The following DNAH7 variants were observed in gnomAD, a reference collection of about 807,000 sequenced individuals.
DNAH7 encodes axonemal beta dynein heavy chain 7.
Under a neutral mutation model 444.6 loss-of-function variants are expected in DNAH7, and 397 were observed. The ratio of observed to expected loss-of-function variants is 0.89; its 90% CI spans 0.82 to 0.97. The LOEUF (loss-of-function observed/expected upper bound fraction) is 0.97, where lower values mean the gene tolerates loss of function less well. Among genes scored for constraint, DNAH7 ranks in the 50% least tolerant of loss-of-function variants. The pLI is 0.00. For synonymous variants in DNAH7, 1,636 were observed against 1,624.4 expected, an observed-to-expected ratio of 1.01 and a Z score of -0.17; for missense variants, 4,902 against 4,800.8, an observed-to-expected ratio of 1.02 and a Z score of -0.62.
At chr2:195,942,326 T>C (rs1488728916) in intron 19 of DNAH7, among the ~76,000 whole-genome samples, 1 of 150,666 alleles carries the variant, frequency 6.6e-6, no homozygotes, top group South Asian at 2.1e-4. Context: ...TCGGATACAG[T>C]GTGTTTGTTA....
Position 195,903,741 on chromosome 2 carries a change from T to C in DNAH7, c.4335+2918A>G, listed in dbSNP as rs573171296. On this transcript the variant is annotated intron_variant, in intron 27 of 64. Coordinates refer to ENST00000312428, the MANE Select transcript of DNAH7 (RefSeq NM_018897.3). ...ATGTCTACAACCTTGAACCCTCTCGTCTACTTGTAGATTACAAAATACTTG... is the reference window on the plus strand; with the variant it reads ...ATGTCTACAACCTTGAACCCTCTCGCCTACTTGTAGATTACAAAATACTTG... The C allele has an allele frequency of 7.9e-5, 12 of 152,232 alleles. No homozygotes were observed. The South Asian group carries it at 2.5e-3, about 32-fold the overall frequency. 9.4% of individuals were successfully genotyped at this position (152,232 alleles called of 1,614,324 possible). A position where few individuals can be genotyped will look rare whatever the true frequency, so the allele number is the denominator to read the frequency against.
At chr2:195,892,756 A>T (rs2125230797) in intron 30 of DNAH7, 1 of 152,126 alleles carries the variant, frequency 6.6e-6, no homozygotes, top group Middle Eastern at 3.4e-3. Flanking sequence ...CCCCCATTAT[A>T]GTACCATACA....
chr2:196,053,987 C>A (rs931821404), intron 2 of DNAH7, among the ~76,000 whole-genome samples: 4 of 152,160 alleles, frequency 2.6e-5, no homozygotes, highest in African/African-American at 7.2e-5. Context: ...CGCTACCTGA[C>A]CCTCGTCAGA....
At chr2:196,050,197 G>A (rs1056629230) in intron 3 of DNAH7, among the ~76,000 whole-genome samples, 1 of 152,100 alleles carries the variant, frequency 6.6e-6, no homozygotes, top group Admixed American at 6.6e-5. Flanking sequence ...ATAATGCTTT[G>A]GATGAACCCT....
At chr2:195,965,421 A>C (rs1691408144) in intron 17 of DNAH7, among the ~76,000 whole-genome samples, 1 of 152,100 alleles carries the variant, frequency 6.6e-6, no homozygotes, top group Admixed American at 6.6e-5. Flanking sequence ...TATTGGCCTA[A>C]AGTTTTCTTT....
chr2:195,964,876 C>CA (rs556506471), intron 17 of DNAH7, among the ~76,000 whole-genome samples: 31,052 of 126,636 alleles, frequency 0.25, 4,341 homozygotes, highest in African/African-American at 0.42. Flanking sequence ...GACTCCGTCT[C>CA]AAAAAAAAAA....
At chr2:195,880,080 A>C in intron 36 of DNAH7, among the ~76,000 whole-genome samples, 1 of 152,152 alleles carries the variant, frequency 6.6e-6, no homozygotes, top group Non-Finnish European at 1.5e-5. Flanking sequence ...GAAGAGAAAA[A>C]TCACTTTAAA....
chr2:196,055,971 C>T (rs1306594181), intron 2 of DNAH7, among the ~76,000 whole-genome samples: 1 of 152,126 alleles, frequency 6.6e-6, no homozygotes, highest in Non-Finnish European at 1.5e-5. Context: ...CATTGCAGTG[C>T]GGAATATGTA....
chr2:195,960,996 T>A, intron 17 of DNAH7, 51 bp from the exon 18 acceptor site: 1 of 1,362,328 alleles, frequency 7.3e-7, no homozygotes, highest in East Asian at 2.5e-5. Context: ...TGAATGATAC[T>A]GCAAATTAAG....
At chr2:195,992,363 T>A (rs551110504) in intron 12 of DNAH7, among the ~76,000 whole-genome samples, 51 of 152,246 alleles carry the variant, frequency 3.3e-4, no homozygotes, top group African/African-American at 1.2e-3. Context: ...AGGCAGATAG[T>A]CTTCACCTTT....
rs1695390810 is a variant in DNAH7 at position 195,781,765 on chromosome 2, T to C, written c.10879-3780A>G. 2.0e-5 allele frequency among the ~76,000 whole-genome samples: 3 copies of C among 151,564 alleles called. No individual in the cohort carries two copies. In the South Asian group the frequency reaches 6.3e-4, roughly 32 times the overall value. ...AGATCTCTATCTACTTTGAAAGTTA[T>C]CCACAACATATGTAGGTAAAAAAAA... On this transcript the variant is annotated intron_variant, in intron 58 of 64. Transcript: ENST00000312428.
At chr2:195,755,216 T>G (rs776736544) in intron 62 of DNAH7, among the ~76,000 whole-genome samples, 5 of 152,240 alleles carry the variant, frequency 3.3e-5, no homozygotes, top group South Asian at 4.1e-4. Context: ...CCCAATAGAA[T>G]GTTGCTTTGG....
At chr2:195,922,689 C>T (rs1178958161) in intron 23 of DNAH7, among the ~76,000 whole-genome samples, 1 of 152,118 alleles carries the variant, frequency 6.6e-6, no homozygotes, top group Non-Finnish European at 1.5e-5. Context: ...CCACAAAAGC[C>T]TATATGATGA....
intron 5 of DNAH7, among the ~76,000 whole-genome samples, chr2:196,044,277 T>C (rs1696961892): frequency 6.6e-6 from 1 of 150,516 alleles, no homozygotes; most frequent in Non-Finnish European, 1.5e-5. Context: ...AGGAATAAAA[T>C]AACAGCATTT....
chr2:195,952,431 C>A (rs1690326719), intron 19 of DNAH7, among the ~76,000 whole-genome samples: 1 of 152,090 alleles, frequency 6.6e-6, no homozygotes, highest in Admixed American at 6.6e-5. Context: ...CGAGGAGTAT[C>A]TCTGTGGTGT....
intron 1 of DNAH7, among the ~76,000 whole-genome samples, chr2:196,058,658 A>T (rs1287464218): frequency 1.3e-5 from 2 of 152,204 alleles, no homozygotes; most frequent in Non-Finnish European, 2.9e-5. Context: ...TATACAATGA[A>T]ACCATAAAAC....
chr2:196,052,784 GAGA>G (rs1464265840), intron 2 of DNAH7, among the ~76,000 whole-genome samples: 2 of 152,254 alleles, frequency 1.3e-5, no homozygotes, highest in Non-Finnish European at 2.9e-5. Context: ...GATCTCCACA[GAGA>G]AGGACAGCAA....
At chr2:195,848,412 C>T (rs895066040) in intron 46 of DNAH7, among the ~76,000 whole-genome samples, 2 of 152,226 alleles carry the variant, frequency 1.3e-5, no homozygotes, top group South Asian at 2.1e-4. Context: ...AGATGGCACA[C>T]AATTTCATTT....
At chr2:196,023,696 G>A (rs1559344817) in intron 8 of DNAH7, among the ~76,000 whole-genome samples, 1 of 152,150 alleles carries the variant, frequency 6.6e-6, no homozygotes, top group African/African-American at 2.4e-5. Context: ...TGTGTTCAAT[G>A]GAATAGCACT....
Sources: allele counts gnomAD v4.1 joint callset (sites outside exome capture counted in the v4.1 genomes callset), GRCh38; gene constraint gnomAD v4.1.1; transcripts MANE v1.5; gene names NCBI Gene and HGNC (gene_info 2026-07-23, HGNC 2026-07-21).